The following CTNNA2 variants were observed in gnomAD, a reference collection of about 807,000 sequenced individuals.
CTNNA2 encodes catenin alpha 2.
In CTNNA2, 42 loss-of-function variants were observed where a neutral mutation model predicts 101.0. The ratio of observed to expected loss-of-function variants is 0.42; its 90% CI spans 0.32 to 0.54. The LOEUF is 0.54. CTNNA2 is among the 20% of genes least tolerant of loss of function. The pLI, the probability that CTNNA2 is intolerant of heterozygous loss-of-function variation, is 0.14. For synonymous variants in CTNNA2, 450 were observed against 456.4 expected (o/e 0.99, Z 0.18); for missense variants, 871 against 1,223.1 (o/e 0.71, Z 4.29).
intron 9 of CTNNA2, among the ~76,000 whole-genome samples, chr2:80,513,577 G>T (rs1217446354): frequency 2.0e-5 from 3 of 152,270 alleles, no homozygotes; most frequent in South Asian, 4.1e-4. Context: ...GATAAATTAG[G>T]TTATGCTGCA....
At chr2:79,269,238 G>T (rs1360253171) in intron 2 of CTNNA2, among the ~76,000 whole-genome samples, 1 of 152,092 alleles carries the variant, frequency 6.6e-6, no homozygotes, top group East Asian at 1.9e-4. Context: ...CCACAGCAAA[G>T]ATCTTAAAAT....
At chr2:80,610,692 C>T (rs917370230) in intron 17 of CTNNA2, among the ~76,000 whole-genome samples, 3 of 151,590 alleles carry the variant, frequency 2.0e-5, no homozygotes, top group Admixed American at 6.6e-5. Context: ...CAGAGAGCCA[C>T]GTTTTTAGTC....
At chr2:80,285,729 T>A (rs754577042) in intron 7 of CTNNA2, among the ~76,000 whole-genome samples, 24 of 152,166 alleles carry the variant, frequency 1.6e-4, no homozygotes, top group Non-Finnish European at 2.8e-4. Context: ...AAGTCTGATG[T>A]AGAATTAAAT....
chr2:79,874,411 G>A (rs1682844517), intron 6 of CTNNA2, 69 bp downstream of exon 6: 3 of 1,516,842 alleles, frequency 2.0e-6, no homozygotes, highest in Admixed American at 1.9e-5. Context: ...ATGTATTGAG[G>A]ATGAAGGGCC....
At chr2:80,233,754 G>A (rs1709389042) in intron 7 of CTNNA2, among the ~76,000 whole-genome samples, 1 of 152,076 alleles carries the variant, frequency 6.6e-6, no homozygotes, top group Admixed American at 6.6e-5. Flanking sequence ...CATACCTTTA[G>A]GACACCCACT....
At chr2:79,240,693 C>T (rs1474623427) in intron 2 of CTNNA2, among the ~76,000 whole-genome samples, 1 of 152,094 alleles carries the variant, frequency 6.6e-6, no homozygotes, top group African/African-American at 2.4e-5. Context: ...AATAAGGTAG[C>T]TTGGTAACTG....
chr2:79,864,455 A>G (rs1337114915), intron 4 of CTNNA2, among the ~76,000 whole-genome samples: 1 of 152,166 alleles, frequency 6.6e-6, no homozygotes, highest in Non-Finnish European at 1.5e-5. Context: ...TGCACTCTAT[A>G]TATAGGTTAT....
chr2:80,568,658 G>T (rs1191653654), intron 12 of CTNNA2, among the ~76,000 whole-genome samples: 2 of 151,910 alleles, frequency 1.3e-5, no homozygotes, highest in Admixed American at 1.3e-4. Context: ...GGGTTCTGAG[G>T]ATTAAAGAAG....
At chr2:79,455,654 G>A (rs1573174010) in intron 4 of CTNNA2, among the ~76,000 whole-genome samples, 2 of 152,252 alleles carry the variant, frequency 1.3e-5, no homozygotes, top group Admixed American at 6.5e-5. Context: ...CTAGGTTCCT[G>A]CCAGGACCTT....
At chr2:79,431,868 A>G (rs1678662799) in intron 4 of CTNNA2, among the ~76,000 whole-genome samples, 1 of 152,176 alleles carries the variant, frequency 6.6e-6, no homozygotes, top group South Asian at 2.1e-4. Flanking sequence ...ATAAGATGTT[A>G]TCTTTCCTCA....
At chr2:80,232,368 T>G (rs1396581881) in intron 7 of CTNNA2, among the ~76,000 whole-genome samples, 1,839 of 59,866 alleles carry the variant, frequency 0.031, 84 homozygotes, top group African/African-American at 0.053. Flanking sequence ...TTTTTTTTTT[T>G]TTTTTTTTTT....
At chr2:79,647,691 CAA>C (rs1321396940) in intron 1 of CTNNA2, among the ~76,000 whole-genome samples, 1 of 152,132 alleles carries the variant, frequency 6.6e-6, no homozygotes, top group African/African-American at 2.4e-5. Flanking sequence ...TCAATTTAAA[CAA>C]AAGTCTATTT....
At chr2:80,205,884 G>A (rs551343249) in intron 7 of CTNNA2, among the ~76,000 whole-genome samples, 1 of 152,280 alleles carries the variant, frequency 6.6e-6, no homozygotes, top group Non-Finnish European at 1.5e-5. Flanking sequence ...CTGACATCTT[G>A]AATATAACAA....
At chr2:79,610,597 A>C (rs1178466851) in intron 1 of CTNNA2, among the ~76,000 whole-genome samples, 1 of 152,198 alleles carries the variant, frequency 6.6e-6, no homozygotes, top group Non-Finnish European at 1.5e-5. Flanking sequence ...GAAAGAAGGC[A>C]GATGAAAAGA....
chr2:79,607,701 A>G (rs1677985845), intron 1 of CTNNA2, among the ~76,000 whole-genome samples: 1 of 152,168 alleles, frequency 6.6e-6, no homozygotes, highest in Non-Finnish European at 1.5e-5. Flanking sequence ...AAAGGAAATT[A>G]TAAAATGTTT....
chr2:79,778,780 C>A (rs1325163721), intron 3 of CTNNA2, among the ~76,000 whole-genome samples: 2 of 152,060 alleles, frequency 1.3e-5, no homozygotes, highest in African/African-American at 4.8e-5. Flanking sequence ...ATCTCTTAGA[C>A]AAGAAGTAGG....
intron 9 of CTNNA2, among the ~76,000 whole-genome samples, chr2:80,468,727 T>C (rs79894560): frequency 0.016 from 2,509 of 152,270 alleles, 68 homozygotes; most frequent in African/African-American, 0.056. Context: ...TCATGTGCTA[T>C]TTTTAATATT....
At chr2:79,693,037 T>TA (rs893563227) in intron 2 of CTNNA2, among the ~76,000 whole-genome samples, 1 of 151,440 alleles carries the variant, frequency 6.6e-6, no homozygotes, top group East Asian at 1.9e-4. Flanking sequence ...AAATAAAAAT[T>TA]AAAAAAATAA....
intron 2 of CTNNA2, among the ~76,000 whole-genome samples, chr2:79,221,608 T>G (rs879588518): frequency 3.3e-5 from 5 of 152,136 alleles, no homozygotes; most frequent in Non-Finnish European, 5.9e-5. Context: ...TGGCAAATTT[T>G]TTTTTTTTAA....
Sources: gnomAD v4.1 joint callset for allele counts (sites outside exome capture counted in the v4.1 genomes callset) on GRCh38, gnomAD v4.1.1 for gene constraint, MANE v1.5 for transcripts, NCBI Gene and HGNC (gene_info 2026-07-23, HGNC 2026-07-21) for gene names.